ITGA4: variants seen among roughly 807,000 people sequenced by gnomAD.
ITGA4 encodes integrin subunit alpha 4, also known as integrin alpha-4.
A neutral mutation model predicts 133.6 loss-of-function variants in ITGA4; 63 were observed. The observed-to-expected ratio is 0.47, with a 90% CI of 0.38 to 0.58. The LOEUF is 0.58. ITGA4 is among the 20% of genes least tolerant of loss of function. The pLI is 0.00. For missense variants in ITGA4, 1,076 were observed against 1,252.7 expected (o/e 0.86, Z 2.13); for synonymous variants, 483 against 438.0 (o/e 1.10, Z -1.28).
intron 15 of ITGA4, among the ~76,000 whole-genome samples, chr2:181,507,490 GCTTT>G (rs1686417431): frequency 1.3e-5 from 2 of 152,004 alleles, no homozygotes; most frequent in Non-Finnish European, 2.9e-5. Context: ...TTGAACAGGT[GCTTT>G]CTAAGAGACA....
rs1413020074 is a variant in ITGA4, at chr2:181,524,501, T to C, written c.2249+251T>C. On this transcript the variant is annotated intron_variant, in intron 20 of 27. Transcript: ENST00000397033. ...ATGTGTCACGAATCAAACTGTGTAT[T>C]TGAAATCAAAAACAGAATAAACAGT... 1.9e-5 allele frequency: 7 copies of C among 360,358 alleles called. No homozygotes were observed. In the South Asian group the frequency reaches 4.0e-4, roughly 21 times the overall value. 22.3% of individuals were successfully genotyped at this position (360,358 alleles called of 1,614,324 possible).
intron 17 of ITGA4, among the ~76,000 whole-genome samples, chr2:181,515,759 C>T (rs1288198763): frequency 1.3e-5 from 2 of 152,082 alleles, no homozygotes; most frequent in Non-Finnish European, 2.9e-5. Context: ...TATACTCTAT[C>T]AGACAGAAAT....
intron 5 of ITGA4, chr2:181,479,070 C>G (rs1367909531): frequency 2.1e-5 from 6 of 289,902 alleles, no homozygotes; most frequent in African/African-American, 4.3e-5. Context: ...ACATTTCTTT[C>G]ATCAACAATT....
chr2:181,463,973 C>T (rs1200000754), intron 2 of ITGA4, among the ~76,000 whole-genome samples: 1 of 152,044 alleles, frequency 6.6e-6, no homozygotes, highest in Non-Finnish European at 1.5e-5. Context: ...TCTGGTGGCC[C>T]ATCTCAAACT....
chr2:181,482,270 TA>T, intron 7 of ITGA4, 89 bp from the exon 8 acceptor site: 1 of 1,304,488 alleles, frequency 7.7e-7, no homozygotes. Context: ...CTGCAAGTTG[TA>T]AAAATTCATG....
chr2:181,523,596 T>C lies in ITGA4; in HGVS notation c.2169+64T>C, dbSNP rs1215234041. 1.2e-6 allele frequency: 1 copy of C among 865,236 alleles called. No homozygotes were observed. Among genetic ancestry groups the C allele is most frequent in the Non-Finnish European group, 1.9e-6 (1 of 522,792 alleles). The allele number at this position is 865,236 out of a possible 1,614,324, so 53.6% of individuals were successfully genotyped here. A position where few individuals can be genotyped will look rare whatever the true frequency, so the allele number is the denominator to read the frequency against. ...GAATATTTTTTTCTATTCTTCCCTATCTTTAGGTTGCATAGAAAATATTAT... is the reference window on the plus strand; with the variant it reads ...GAATATTTTTTTCTATTCTTCCCTACCTTTAGGTTGCATAGAAAATATTAT... On this transcript the variant is annotated intron_variant, in intron 19 of 27. Transcript: ENST00000397033. The surrounding 1 kb of genome is among the most constrained non-coding windows in gnomAD (Gnocchi z 4.2).
intron 17 of ITGA4, among the ~76,000 whole-genome samples, chr2:181,517,206 T>A (rs373587015): frequency 6.6e-6 from 1 of 152,126 alleles, no homozygotes; most frequent in Non-Finnish European, 1.5e-5. Flanking sequence ...AAATGAGTCA[T>A]GTATCTTGAC....
chr2:181,506,974 A>T (rs1686407388), intron 15 of ITGA4, among the ~76,000 whole-genome samples: 1 of 152,130 alleles, frequency 6.6e-6, no homozygotes, highest in African/African-American at 2.4e-5. Flanking sequence ...TAATATGTCT[A>T]GCCTGGGTGA....
intron 21 of ITGA4, among the ~76,000 whole-genome samples, chr2:181,526,833 T>TTTTTTTTTTTTTTTTTTTTTTTTC (rs1686840681): frequency 1.0e-5 from 1 of 96,410 alleles, no homozygotes; most frequent in Non-Finnish European, 1.9e-5. Context: ...TTTTTTTTTT[T>TTTTTTTTTTTTTTTTTTTTTTTTC]TTTTTTTTTT....
intron 3 of ITGA4, 25 bp downstream of exon 3, chr2:181,475,091 A>G (rs756147388): frequency 6.2e-6 from 10 of 1,610,670 alleles, no homozygotes; most frequent in Non-Finnish European, 5.1e-6. Flanking sequence ...TGGTCCACAG[A>G]TCCATCGTGA....
chr2:181,465,335 T>A (rs1432492175), intron 2 of ITGA4, among the ~76,000 whole-genome samples: 1 of 152,168 alleles, frequency 6.6e-6, no homozygotes, highest in East Asian at 1.9e-4. Flanking sequence ...GATAATATGA[T>A]ACATTCCTCA....
chr2:181,480,728 G>A (rs1685782955), intron 6 of ITGA4, among the ~76,000 whole-genome samples: 1 of 152,106 alleles, frequency 6.6e-6, no homozygotes, highest in African/African-American at 2.4e-5. Flanking sequence ...CATTCTGGAT[G>A]AGGGGCTCCA....
intron 2 of ITGA4, among the ~76,000 whole-genome samples, chr2:181,461,382 ACTT>A (rs1216011070): frequency 1.3e-5 from 2 of 151,172 alleles, no homozygotes; most frequent in East Asian, 1.9e-4. Context: ...CTCTTCTCTC[ACTT>A]CTTTTGTACC....
chr2:181,472,345 T>C (rs1245324217), intron 2 of ITGA4, among the ~76,000 whole-genome samples: 1 of 152,230 alleles, frequency 6.6e-6, no homozygotes, highest in African/African-American at 2.4e-5. Flanking sequence ...CTATTGTCTT[T>C]TTAATCTTCT....
At chr2:181,527,869 G>A (rs1382991543) in intron 22 of ITGA4, among the ~76,000 whole-genome samples, 2 of 152,162 alleles carry the variant, frequency 1.3e-5, no homozygotes, top group African/African-American at 4.8e-5. Context: ...CCTGTGACAA[G>A]TGCTTTATCA....
At position 181,530,631 on chromosome 2, in the gene ITGA4, G is replaced by A; in HGVS notation, c.2646G>A (p.Lys882=). Residue 882 remains lysine (K), a synonymous_variant, in exon 24 of 28, where the codon AAG becomes AAA. Coordinates refer to ENST00000397033, the MANE Select transcript of ITGA4 (RefSeq NM_000885.6). ...TLKGIVRFLS[K]TDKRLLYCIK... ...AAGGCATAGTCCGGTTCTTGTCCAAGACTGATAAGAGGCTATTGGTAAGTT... is the reference window on the plus strand; with the variant it reads ...AAGGCATAGTCCGGTTCTTGTCCAAAACTGATAAGAGGCTATTGGTAAGTT... 6.2e-7 allele frequency: 1 copy of A among 1,612,424 alleles called. No individual in the cohort carries two copies. The highest frequency in any genetic ancestry group is 1.7e-5 in the Admixed American group (1 of 59,982).
intron 16 of ITGA4, 145 bp from the exon 17 acceptor site, chr2:181,511,554 T>C (rs1193309978): frequency 3.7e-6 from 2 of 544,462 alleles, no homozygotes; most frequent in Non-Finnish European, 6.5e-6. Flanking sequence ...AATTGAACTT[T>C]TTAAAAGAGA....
intron 27 of ITGA4, 126 bp downstream of exon 27, chr2:181,535,061 T>C: frequency 9.8e-7 from 1 of 1,022,098 alleles, no homozygotes; most frequent in Non-Finnish European, 1.3e-6. Context: ...TGTTGCTCAG[T>C]ACTGATCTCA....
At chr2:181,471,209 A>T (rs562202979) in intron 2 of ITGA4, among the ~76,000 whole-genome samples, 10 of 152,176 alleles carry the variant, frequency 6.6e-5, no homozygotes, top group Non-Finnish European at 1.5e-4. Context: ...GATATATGAA[A>T]TAAGCAGAAG....
Sources: allele counts gnomAD v4.1 joint callset (sites outside exome capture counted in the v4.1 genomes callset), GRCh38; gene constraint gnomAD v4.1.1; non-coding constraint Gnocchi (gnomAD v3.1); transcripts MANE v1.5; gene names NCBI Gene and HGNC (gene_info 2026-07-23, HGNC 2026-07-21).